BRINP1: variants seen among roughly 807,000 people sequenced by gnomAD.
BRINP1 encodes the protein BMP/retinoic acid inducible neural specific 1, also known as BMP/retinoic acid-inducible neural-specific protein 1.
In BRINP1, 17 loss-of-function variants were observed where a neutral mutation model predicts 72.9. The observed-to-expected ratio is 0.23, with a 90% CI of 0.16 to 0.35. The LOEUF is 0.35. BRINP1 is among the 10% of genes least tolerant of loss of function. The pLI is 1.00. For synonymous variants in BRINP1, 418 were observed against 378.5 expected, an observed-to-expected ratio of 1.10 and a Z score of -1.21; for missense variants, 850 against 1,001.6, an observed-to-expected ratio of 0.85 and a Z score of 2.04.
Position 119,335,354 on chromosome 9 carries a change from C to T in BRINP1, c.-50-21949G>A, listed in dbSNP as rs1259484822. ...ATCCCATCCACAGACCTCAGTTAGT[C>T]TGTGCAGAAAGTTGGAAGTTTTAAA... On this transcript the variant is annotated intron_variant, in intron 1 of 7. Coordinates refer to ENST00000265922, the MANE Select transcript of BRINP1 (RefSeq NM_014618.3). Among the ~76,000 whole-genome samples the T allele has an allele frequency of 6.6e-5, 10 of 152,156 alleles. No homozygotes were observed. The South Asian group carries it at 2.1e-3, about 32-fold the overall frequency.
At chr9:119,289,047 G>A (rs1363773557) in intron 2 of BRINP1, among the ~76,000 whole-genome samples, 7 of 152,168 alleles carry the variant, frequency 4.6e-5, no homozygotes, top group African/African-American at 1.2e-4. Context: ...TGATCCACCC[G>A]CCTCGGCCTC....
chr9:119,255,241 T>A (rs542793778), intron 2 of BRINP1, among the ~76,000 whole-genome samples: 7 of 152,296 alleles, frequency 4.6e-5, no homozygotes, highest in African/African-American at 1.7e-4. Context: ...AACAAGCAAA[T>A]TCCCCTTGGA....
chr9:119,192,421 A>T (rs988471266), intron 7 of BRINP1, among the ~76,000 whole-genome samples: 3 of 152,078 alleles, frequency 2.0e-5, no homozygotes, highest in African/African-American at 7.2e-5. Context: ...AACCCAATTT[A>T]AAAAATGAAC....
intron 2 of BRINP1, among the ~76,000 whole-genome samples, chr9:119,288,852 A>G (rs1203796687): frequency 6.6e-6 from 1 of 152,048 alleles, no homozygotes; most frequent in East Asian, 1.9e-4. Context: ...AGTGTGATGA[A>G]TGGCACAATC....
intron 1 of BRINP1, among the ~76,000 whole-genome samples, chr9:119,333,205 A>T (rs2119014195): frequency 6.6e-6 from 1 of 152,058 alleles, no homozygotes; most frequent in South Asian, 2.1e-4. Flanking sequence ...TCATGCCTGT[A>T]ATCCCAGGAC....
At chr9:119,241,328 A>C (rs1248263197) in intron 4 of BRINP1, among the ~76,000 whole-genome samples, 1 of 152,206 alleles carries the variant, frequency 6.6e-6, no homozygotes, top group Non-Finnish European at 1.5e-5. Flanking sequence ...CAAACCACAG[A>C]GTGCCTGTTT....
At chr9:119,304,074 T>A (rs536373978) in intron 2 of BRINP1, among the ~76,000 whole-genome samples, 6 of 151,976 alleles carry the variant, frequency 3.9e-5, no homozygotes, top group Admixed American at 3.3e-4. Flanking sequence ...GAGATGAAGT[T>A]TCACCATGTT....
intron 1 of BRINP1, among the ~76,000 whole-genome samples, chr9:119,329,308 T>C (rs1449217230): frequency 2.0e-5 from 3 of 152,198 alleles, no homozygotes; most frequent in Non-Finnish European, 4.4e-5. Flanking sequence ...GGTGAAAAGT[T>C]CTTGGTGGAT....
intron 5 of BRINP1, among the ~76,000 whole-genome samples, chr9:119,226,362 T>C (rs1182912327): frequency 2.0e-5 from 3 of 152,092 alleles, no homozygotes; most frequent in African/African-American, 7.2e-5. Context: ...GGTTGTTAAA[T>C]AGACCAAATT....
intron 2 of BRINP1, 47 bp from the exon 3 acceptor site, chr9:119,249,197 C>G: frequency 6.4e-7 from 1 of 1,565,554 alleles, no homozygotes; most frequent in East Asian, 2.3e-5. Flanking sequence ...CACCATTACC[C>G]TTAAGCCAAA....
intron 2 of BRINP1, among the ~76,000 whole-genome samples, chr9:119,278,143 C>A (rs1210091570): frequency 6.6e-6 from 1 of 152,174 alleles, no homozygotes; most frequent in Non-Finnish European, 1.5e-5. Flanking sequence ...TTTTCCCCTT[C>A]TCTGGGACTC....
At chr9:119,209,016 T>G (rs772606117) in intron 6 of BRINP1, 75 bp from the exon 7 acceptor site, 8 of 1,232,212 alleles carry the variant, frequency 6.5e-6, no homozygotes, top group African/African-American at 1.5e-5. Context: ...GAATGCTTAG[T>G]GTCACTTTCC....
chr9:119,182,402 C>T (rs1232204648), intron 7 of BRINP1, among the ~76,000 whole-genome samples: 1 of 152,174 alleles, frequency 6.6e-6, no homozygotes, highest in Non-Finnish European at 1.5e-5. Context: ...TTTGCAATAC[C>T]TCTAGCTAAC....
At chr9:119,273,397 C>T (rs1830625767) in intron 2 of BRINP1, among the ~76,000 whole-genome samples, 1 of 152,046 alleles carries the variant, frequency 6.6e-6, no homozygotes, top group African/African-American at 2.4e-5. Flanking sequence ...GCCAGAGGCA[C>T]TCAGATGGGC....
At chr9:119,316,103 T>G (rs762816812) in intron 1 of BRINP1, among the ~76,000 whole-genome samples, 4 of 152,232 alleles carry the variant, frequency 2.6e-5, no homozygotes, top group Non-Finnish European at 5.9e-5. Context: ...TTTCTTGTTT[T>G]GGAGACAGGG....
intron 7 of BRINP1, among the ~76,000 whole-genome samples, chr9:119,185,834 C>A (rs1234325344): frequency 1.3e-5 from 2 of 152,144 alleles, no homozygotes; most frequent in African/African-American, 4.8e-5. Flanking sequence ...ACGTTGTATC[C>A]CACTCCCGAC....
intron 7 of BRINP1, among the ~76,000 whole-genome samples, chr9:119,198,030 A>G (rs1031616066): frequency 1.3e-5 from 2 of 152,210 alleles, no homozygotes; most frequent in Non-Finnish European, 2.9e-5. Flanking sequence ...TCCACTTTGA[A>G]TAAACCGAGG....
chr9:119,172,330 C>T lies in BRINP1; in HGVS notation c.1146-4106G>A, dbSNP rs554235415. 9.2e-5 allele frequency among the ~76,000 whole-genome samples: 14 copies of T among 152,006 alleles called. No individual in the cohort carries two copies. In the East Asian group the frequency reaches 2.5e-3, roughly 27 times the overall value. ...ACCAATCCCACAGAAATACAAACTACCATCAGAGAATACTACAAACACCTC... is the reference window on the plus strand; with the variant it reads ...ACCAATCCCACAGAAATACAAACTATCATCAGAGAATACTACAAACACCTC... On this transcript the variant is annotated intron_variant, in intron 7 of 7. Transcript: ENST00000265922.
chr9:119,283,188 G>A (rs2118964702), intron 2 of BRINP1: 1 of 984,562 alleles, frequency 1.0e-6, no homozygotes, highest in Non-Finnish European at 1.2e-6. Context: ...TGTTTCTTTA[G>A]AATGAAGGGG....
Sources: allele counts gnomAD v4.1 joint callset (sites outside exome capture counted in the v4.1 genomes callset), GRCh38; gene constraint gnomAD v4.1.1; transcripts MANE v1.5; gene names NCBI Gene and HGNC (gene_info 2026-07-23, HGNC 2026-07-21).